LIMK2: variants seen among roughly 807,000 people sequenced by gnomAD.
The protein encoded by LIMK2 is LIM domain kinase 2.
LIMK2 carries 35 observed loss-of-function variants against 75.7 expected under a neutral mutation model. That is an observed-to-expected ratio of 0.46 (90% CI 0.35 to 0.61). LIMK2 has a LOEUF of 0.61. Among genes scored for constraint, LIMK2 ranks in the 20% least tolerant of loss-of-function variants. The pLI, the probability that LIMK2 is intolerant of heterozygous loss-of-function variation, is 0.00. For missense variants in LIMK2, 623 were observed against 831.0 expected (o/e 0.75, Z 3.08); for synonymous variants, 301 against 319.2 (o/e 0.94, Z 0.61).
At chr22:31,226,740 G>C (rs894168930) in intron 2 of LIMK2, among the ~76,000 whole-genome samples, 1 of 152,214 alleles carries the variant, frequency 6.6e-6, no homozygotes, top group African/African-American at 2.4e-5. Flanking sequence ...CCCCCTAGTA[G>C]GTGGGACTCC....
chr22:31,258,948 A>G (rs926907810), intron 3 of LIMK2, 173 bp from the exon 4 acceptor site: 2 of 558,092 alleles, frequency 3.6e-6, no homozygotes, highest in African/African-American at 1.9e-5. Flanking sequence ...CAGAAATGAC[A>G]GGAGGTACCA....
intron 12 of LIMK2, 162 bp from the exon 13 acceptor site, chr22:31,272,368 C>T: frequency 1.7e-6 from 1 of 585,240 alleles, no homozygotes. Context: ...AGCCACCGTG[C>T]CTGGCCTGAG....
intron 11 of LIMK2, among the ~76,000 whole-genome samples, chr22:31,269,197 C>T (rs1378992408): frequency 6.6e-6 from 1 of 151,652 alleles, no homozygotes; most frequent in Admixed American, 6.6e-5. Flanking sequence ...CTTCGACCTC[C>T]TGGGCTCAAG....
intron 2 of LIMK2, among the ~76,000 whole-genome samples, chr22:31,242,547 T>G (rs1204712814): frequency 6.6e-6 from 1 of 152,246 alleles, no homozygotes; most frequent in Non-Finnish European, 1.5e-5. Flanking sequence ...TTCAATATAT[T>G]GGGAAATAAT....
chr22:31,276,714 G>C, intron 15 of LIMK2: 1 of 1,393,906 alleles, frequency 7.2e-7, no homozygotes, highest in Non-Finnish European at 9.3e-7. Flanking sequence ...CACCGCGGGG[G>C]GCGCGGCGTT....
chr22:31,271,934 A>G (rs1385723624), intron 12 of LIMK2, among the ~76,000 whole-genome samples: 1 of 152,196 alleles, frequency 6.6e-6, no homozygotes, highest in Non-Finnish European at 1.5e-5. Context: ...TCCACTCTCC[A>G]AGTCCCTGAG....
chr22:31,245,225 T>C (rs1246858845), intron 2 of LIMK2, among the ~76,000 whole-genome samples: 1 of 152,206 alleles, frequency 6.6e-6, no homozygotes, highest in Non-Finnish European at 1.5e-5. Flanking sequence ...AACAGAGTGG[T>C]TGAGCTCTGT....
intron 1 of LIMK2, among the ~76,000 whole-genome samples, chr22:31,224,445 G>A (rs1202135659): frequency 6.6e-6 from 1 of 152,196 alleles, no homozygotes; most frequent in Non-Finnish European, 1.5e-5. Context: ...GGAAAGAGCA[G>A]AAGCTTTAGA....
chr22:31,228,021 C>CGTGT (rs66641491), intron 2 of LIMK2, among the ~76,000 whole-genome samples: 3,121 of 147,610 alleles, frequency 0.021, 117 homozygotes, highest in East Asian at 0.18. Flanking sequence ...TCTGTGCGTG[C>CGTGT]GTGTGTGTGT....
rs1214754196 is a variant in LIMK2, at chr22:31,278,996, A to G, written c.*555A>G. 1 of 152,332 alleles carries G rather than the reference A, an allele frequency of 6.6e-6. No homozygotes were observed. The allele number at this position is 152,332 out of a possible 1,614,324, so 9.4% of individuals were successfully genotyped here. A position where few individuals can be genotyped will look rare whatever the true frequency, so the allele number is the denominator to read the frequency against. On this transcript the variant is annotated 3_prime_UTR_variant, in exon 16 of 16. Transcript: ENST00000331728. ...GCAAGGTTGAGGGAGTAGGTTTTGAAGAGTCCCTTAATATGTGGTGGAACA... is the reference window on the plus strand; with the variant it reads ...GCAAGGTTGAGGGAGTAGGTTTTGAGGAGTCCCTTAATATGTGGTGGAACA...
At chr22:31,267,974 C>T (rs1035505461) in intron 10 of LIMK2, 67 bp downstream of exon 10, 14 of 1,572,972 alleles carry the variant, frequency 8.9e-6, no homozygotes, top group Middle Eastern at 1.7e-4. Flanking sequence ...CTATCACTAC[C>T]CTAGGAGCTT....
At position 31,278,431 on chromosome 22, in the gene LIMK2, C is replaced by CA; in HGVS notation, c.1908dup (p.Pro637ThrfsTer75). 2.5e-6 allele frequency: 4 copies of CA among 1,611,156 alleles called. No homozygotes were observed. The highest frequency in any genetic ancestry group is 3.4e-6 in the Non-Finnish European group (4 of 1,178,786). On this transcript the variant is annotated frameshift_variant, in exon 16 of 16. Transcript: ENST00000331728. LOFTEE classifies it high-confidence loss of function. ...ATGCAGTACGGCCTGACCCGGGACT[C>CA]ACCTCCCTAGCCCTGGCCCAGCCCC... is the stretch of plus-strand genomic sequence containing the variant.
chr22:31,276,715 G>C (rs1160081277), intron 15 of LIMK2: 1 of 1,411,330 alleles, frequency 7.1e-7, no homozygotes, highest in Middle Eastern at 2.7e-4. Context: ...ACCGCGGGGG[G>C]CGCGGCGTTG....
At chr22:31,240,927 T>G (rs933292051) in intron 2 of LIMK2, among the ~76,000 whole-genome samples, 2 of 152,230 alleles carry the variant, frequency 1.3e-5, no homozygotes, top group Admixed American at 6.5e-5. Context: ...AAGCTATCTG[T>G]ACATTCATTT....
At chr22:31,217,689 T>G (rs2048399942) in intron 1 of LIMK2, among the ~76,000 whole-genome samples, 1 of 152,220 alleles carries the variant, frequency 6.6e-6, no homozygotes, top group Admixed American at 6.5e-5. Flanking sequence ...AAAGATATTT[T>G]TATAGGCCCT....
At chr22:31,266,233 G>T (rs956451491) in intron 8 of LIMK2, 101 bp downstream of exon 8, 51 of 1,194,328 alleles carry the variant, frequency 4.3e-5, no homozygotes, top group Admixed American at 2.3e-4. Flanking sequence ...CACCATGCAG[G>T]ATGCCAGGCC....
In LIMK2 at chr22:31,220,889, G is replaced by A. The variant is rs999023121; in HGVS notation, c.17-4831G>A. ...TGAGGCAGGAGAATCACTTGAACCT[G>A]GGAGGCGGAGGTTGTGGTGAGCCGA... On this transcript the variant is annotated intron_variant, in intron 1 of 15. Coordinates refer to ENST00000331728, the MANE Select transcript of LIMK2 (RefSeq NM_005569.4). Among the ~76,000 whole-genome samples, 5 of 152,294 alleles carry A rather than the reference G, an allele frequency of 3.3e-5. No homozygotes were observed. The South Asian group carries it at 8.3e-4, about 25-fold the overall frequency.
rs765233757 is a variant in LIMK2 at position 31,278,257 on chromosome 22, C to T, written c.1773-40C>T. ...CTTCCACCCACCCCATGGCCCTGCT[C>T]ATGTTCCACCTGCCTCTAATTTACC... On this transcript the variant is annotated intron_variant, in intron 15 of 15. Coordinates refer to ENST00000331728, the MANE Select transcript of LIMK2 (RefSeq NM_005569.4). 8.9e-6 allele frequency: 14 copies of T among 1,579,538 alleles called. No individual in the cohort carries two copies. The Admixed American group carries it at 1.4e-4, about 15-fold the overall frequency.
At chr22:31,231,468 G>A (rs1244988625) in intron 2 of LIMK2, among the ~76,000 whole-genome samples, 1 of 152,190 alleles carries the variant, frequency 6.6e-6, no homozygotes, top group Non-Finnish European at 1.5e-5. Context: ...GAAACAGCCA[G>A]CCCGTAGATC....
Sources: allele counts gnomAD v4.1 joint callset (sites outside exome capture counted in the v4.1 genomes callset), GRCh38; gene constraint gnomAD v4.1.1; transcripts MANE v1.5; gene names NCBI Gene and HGNC (gene_info 2026-07-23, HGNC 2026-07-21).